UNC13C: variants seen among roughly 807,000 people sequenced by gnomAD.
UNC13C encodes unc-13 homolog C.
UNC13C carries 174 observed loss-of-function variants against 245.4 expected under a neutral mutation model. The observed-to-expected ratio is 0.71, with a 90% CI of 0.63 to 0.80. The LOEUF (loss-of-function observed/expected upper bound fraction) is 0.80, where lower values mean the gene tolerates loss of function less well. UNC13C is among the 30% of genes least tolerant of loss of function. The pLI, the probability that UNC13C is intolerant of heterozygous loss-of-function variation, is 0.00. For missense variants in UNC13C, 2,829 were observed against 2,602.9 expected (o/e 1.09, Z -1.89); for synonymous variants, 992 against 895.1 (o/e 1.11, Z -1.93).
At chr15:53,924,541 T>G in the UNC13C span, among the ~76,000 whole-genome samples, 1 of 152,186 alleles carries the variant, frequency 6.6e-6, no homozygotes, top group Non-Finnish European at 1.5e-5. Flanking sequence ...GAGGGTGCAC[T>G]GTATTTTTAG....
intron 2 of UNC13C, among the ~76,000 whole-genome samples, chr15:54,066,933 TC>T (rs1566987730): frequency 6.6e-6 from 1 of 152,062 alleles, no homozygotes; most frequent in African/African-American, 2.4e-5. Context: ...AAAATTGTTT[TC>T]TTTTTTTTTT....
intron 4 of UNC13C, among the ~76,000 whole-genome samples, chr15:54,152,571 T>C (rs1159307467): frequency 6.6e-6 from 1 of 152,090 alleles, no homozygotes; most frequent in Admixed American, 6.5e-5. Flanking sequence ...GTTTGAAGAG[T>C]AGCAAATTAA....
chr15:54,594,132 T>C (rs1407568029), intron 30 of UNC13C, among the ~76,000 whole-genome samples: 2 of 152,170 alleles, frequency 1.3e-5, no homozygotes, highest in African/African-American at 2.4e-5. Flanking sequence ...TACCCTGTTA[T>C]GGGCTGGTAC....
At chr15:54,480,094 A>T (rs935236547) in intron 19 of UNC13C, among the ~76,000 whole-genome samples, 1 of 151,966 alleles carries the variant, frequency 6.6e-6, no homozygotes, top group East Asian at 1.9e-4. Context: ...TACTGTTTGG[A>T]GAATTCTTTC....
intron 30 of UNC13C, among the ~76,000 whole-genome samples, chr15:54,575,565 TAA>T (rs529591444): frequency 3.6e-5 from 5 of 140,428 alleles, no homozygotes; most frequent in South Asian, 2.3e-4. Flanking sequence ...GTTCTCAAAT[TAA>T]AAAAAAAAAA....
chr15:54,530,776 G>T (rs74016653), intron 25 of UNC13C, among the ~76,000 whole-genome samples: 2 of 152,066 alleles, frequency 1.3e-5, no homozygotes, highest in African/African-American at 4.8e-5. Flanking sequence ...AACACCAGGA[G>T]GTCTATTGTG....
intron 4 of UNC13C, among the ~76,000 whole-genome samples, chr15:54,172,385 A>G (rs143209835): frequency 2.4e-4 from 36 of 151,990 alleles, no homozygotes; most frequent in Non-Finnish European, 4.4e-5. Flanking sequence ...ATACACACCT[A>G]CTAGGTACAC....
the UNC13C span, among the ~76,000 whole-genome samples, chr15:53,874,670 T>C: frequency 0.26 from 40,163 of 152,102 alleles, 6,641 homozygotes; most frequent in Non-Finnish European, 0.37. Flanking sequence ...CTTCAATACA[T>C]AGCTCAATAC....
chr15:54,110,048 C>T (rs1900686931), intron 2 of UNC13C, among the ~76,000 whole-genome samples: 1 of 152,050 alleles, frequency 6.6e-6, no homozygotes, highest in Non-Finnish European at 1.5e-5. Flanking sequence ...AAGGCTGAAG[C>T]AGACAGATCA....
Position 54,584,732 on chromosome 15 carries a change from A to G in UNC13C, c.6106+16785A>G, listed in dbSNP as rs376949435. Among the ~76,000 whole-genome samples the G allele has an allele frequency of 5.5e-4, 84 of 152,378 alleles. No homozygotes were observed. The Middle Eastern group carries it at 0.01, about 19-fold the overall frequency. ...ATTATGGTACAAATGTTCACTGTGC[A>G]GAGCACACCTGTAATATTTCATCTG... On this transcript the variant is annotated intron_variant, in intron 30 of 32. Coordinates refer to ENST00000260323, the MANE Select transcript of UNC13C (RefSeq NM_001080534.3).
intron 1 of UNC13C, among the ~76,000 whole-genome samples, chr15:53,984,202 A>G (rs1216805154): frequency 6.6e-6 from 1 of 152,068 alleles, no homozygotes; most frequent in African/African-American, 2.4e-5. Flanking sequence ...AGTATGGCAA[A>G]ATATTTTTTT....
chr15:54,246,222 A>G (rs2035986251), intron 7 of UNC13C, among the ~76,000 whole-genome samples: 1 of 152,158 alleles, frequency 6.6e-6, no homozygotes, highest in African/African-American at 2.4e-5. Flanking sequence ...TTTGGAGAAG[A>G]AAGTTCTAAC....
At chr15:54,478,731 C>G (rs12898751) in intron 19 of UNC13C, among the ~76,000 whole-genome samples, 60,186 of 145,140 alleles carry the variant, frequency 0.41, 12,364 homozygotes, top group East Asian at 0.62. Flanking sequence ...TTACTTCCAA[C>G]TATGTGGTCA....
chr15:54,083,778 G>C (rs973723045), intron 2 of UNC13C, among the ~76,000 whole-genome samples: 1 of 152,166 alleles, frequency 6.6e-6, no homozygotes, highest in Non-Finnish European at 1.5e-5. Context: ...GCTTGTGAAA[G>C]TCTGAGGGGA....
At chr15:53,857,584 C>T in the UNC13C span, among the ~76,000 whole-genome samples, 1 of 152,148 alleles carries the variant, frequency 6.6e-6, no homozygotes, top group African/African-American at 2.4e-5. Flanking sequence ...TATTGCAGAT[C>T]TATTGAGCAG....
At chr15:54,018,265 AC>A (rs1437247990) in intron 2 of UNC13C, among the ~76,000 whole-genome samples, 1 of 152,174 alleles carries the variant, frequency 6.6e-6, no homozygotes, top group Non-Finnish European at 1.5e-5. Context: ...CTCCATGGCT[AC>A]GTAGTTATCA....
chr15:54,258,289 C>T (rs1038279495), intron 8 of UNC13C, among the ~76,000 whole-genome samples: 3 of 152,102 alleles, frequency 2.0e-5, no homozygotes, highest in African/African-American at 4.8e-5. Flanking sequence ...ACACCGTCCG[C>T]GTGAGAGTTT....
the UNC13C span, among the ~76,000 whole-genome samples, chr15:53,855,406 A>T: frequency 6.6e-6 from 1 of 152,144 alleles, no homozygotes; most frequent in African/African-American, 2.4e-5. Context: ...GTTTTTGCCC[A>T]TTCGCTATGA....
intron 4 of UNC13C, among the ~76,000 whole-genome samples, chr15:54,177,620 C>T (rs2033659853): frequency 6.6e-6 from 1 of 152,124 alleles, no homozygotes; most frequent in South Asian, 2.1e-4. Context: ...GTATTGTCTT[C>T]TGTGAGTCTG....
Sources: gnomAD v4.1 joint callset for allele counts (sites outside exome capture counted in the v4.1 genomes callset) on GRCh38, gnomAD v4.1.1 for gene constraint, MANE v1.5 for transcripts, NCBI Gene and HGNC (gene_info 2026-07-23, HGNC 2026-07-21) for gene names.